STIM1: variants seen among roughly 807,000 people sequenced by gnomAD.
STIM1 encodes stromal interaction molecule 1.
STIM1 carries 25 observed loss-of-function variants against 74.7 expected under a neutral mutation model. The ratio of observed to expected loss-of-function variants is 0.33; its 90% CI spans 0.24 to 0.47. The LOEUF (loss-of-function observed/expected upper bound fraction) is 0.47. Among genes scored for constraint, STIM1 ranks in the 20% least tolerant of loss-of-function variants. The pLI is 1.00. For synonymous variants in STIM1, 328 were observed against 348.8 expected (o/e 0.94, Z 0.66); for missense variants, 728 against 920.8 (o/e 0.79, Z 2.71).
At chr11:4,017,672 C>T (rs1449996898) in intron 2 of STIM1, among the ~76,000 whole-genome samples, 3 of 152,100 alleles carry the variant, frequency 2.0e-5, no homozygotes, top group Admixed American at 1.3e-4. Flanking sequence ...TTAAGAGGTT[C>T]TAGGTTGGAG....
intron 2 of STIM1, among the ~76,000 whole-genome samples, chr11:3,971,314 G>C (rs989994678): frequency 2.6e-5 from 4 of 151,778 alleles, no homozygotes; most frequent in African/African-American, 9.7e-5. Context: ...TGGATCACGA[G>C]GTCAGGAGAT....
At chr11:4,080,467 G>GTT (rs753798798) in intron 7 of STIM1, among the ~76,000 whole-genome samples, 2,413 of 129,752 alleles carry the variant, frequency 0.019, 78 homozygotes, top group African/African-American at 0.051. Context: ...TAACCAAACA[G>GTT]TTTTTTTTTT....
intron 1 of STIM1, among the ~76,000 whole-genome samples, chr11:3,884,252 G>A (rs1165731284): frequency 6.6e-6 from 1 of 152,132 alleles, no homozygotes; most frequent in Non-Finnish European, 1.5e-5. Flanking sequence ...TCTATAAAAT[G>A]GGTACAAGAG....
intron 2 of STIM1, among the ~76,000 whole-genome samples, chr11:4,006,101 G>C (rs767808388): frequency 6.6e-6 from 1 of 152,198 alleles, no homozygotes; most frequent in Non-Finnish European, 1.5e-5. Context: ...GCTGTTAGGA[G>C]TGATTGGATT....
At chr11:4,035,062 A>C (rs182028168) in intron 3 of STIM1, among the ~76,000 whole-genome samples, 45 of 152,100 alleles carry the variant, frequency 3.0e-4, no homozygotes, top group Middle Eastern at 6.8e-3. Flanking sequence ...TCTGGTTTCT[A>C]TTTCATTGAT....
In STIM1 at chr11:4,092,055, C is replaced by T; in HGVS notation, c.*257C>T. On this transcript the variant is annotated 3_prime_UTR_variant, in exon 13 of 13. Transcript: ENST00000526596. ...CTGTCACTCCCTCTCCACTTCAGTG[C>T]ATGTCTTAGTTGCTGTTCCCTCAGC... The T allele has an allele frequency of 1.8e-6, 1 of 557,934 alleles. No homozygotes were observed. The highest frequency in any genetic ancestry group is 3.1e-5 in the East Asian group (1 of 32,032). 34.6% of individuals were successfully genotyped at this position (557,934 alleles called of 1,614,324 possible). A position where few individuals can be genotyped will look rare whatever the true frequency, so the allele number is the denominator to read the frequency against.
intron 1 of STIM1, among the ~76,000 whole-genome samples, chr11:3,952,580 T>C (rs1171397427): frequency 6.6e-6 from 1 of 152,146 alleles, no homozygotes; most frequent in Non-Finnish European, 1.5e-5. Flanking sequence ...CAAAGACCCA[T>C]ATTTGCTACC....
intron 3 of STIM1, chr11:4,049,543 G>A (rs1446731971): frequency 6.6e-6 from 1 of 151,508 alleles, no homozygotes; most frequent in Non-Finnish European, 1.5e-5. Context: ...TGCCCTGACT[G>A]ATCTCAAACC....
At chr11:3,882,542 C>T (rs1448772677) in intron 1 of STIM1, among the ~76,000 whole-genome samples, 2 of 152,054 alleles carry the variant, frequency 1.3e-5, no homozygotes, top group African/African-American at 4.8e-5. Context: ...TTGTGTGCAC[C>T]GTTTACCTAT....
intron 3 of STIM1, among the ~76,000 whole-genome samples, chr11:4,024,889 C>T (rs75967398): frequency 0.021 from 3,123 of 152,188 alleles, 66 homozygotes; most frequent in Non-Finnish European, 0.025. Context: ...GCTTTAGCTT[C>T]CTCTCCATTT....
At chr11:3,895,683 C>CTTCCTTCCTTCCTTCCTTCTTTCT (rs2092083651) in intron 1 of STIM1, among the ~76,000 whole-genome samples, 1 of 37,966 alleles carries the variant, frequency 2.6e-5, no homozygotes. Context: ...TCCTTCCTTC[C>CTTCCTTCCTTCCTTCCTTCTTTCT]TTCTTTCTTT....
At chr11:4,043,256 A>T (rs2133007331) in intron 3 of STIM1, among the ~76,000 whole-genome samples, 1 of 152,298 alleles carries the variant, frequency 6.6e-6, no homozygotes, top group East Asian at 1.9e-4. Context: ...ATTGATTTTT[A>T]CATGAAAATT....
chr11:4,077,685 C>T (rs970902513), intron 7 of STIM1, among the ~76,000 whole-genome samples: 3 of 152,114 alleles, frequency 2.0e-5, no homozygotes, highest in African/African-American at 7.2e-5. Flanking sequence ...CTGTATTCCA[C>T]ATGTCTCTTA....
At chr11:3,932,675 A>G (rs1472815206) in intron 1 of STIM1, among the ~76,000 whole-genome samples, 1 of 149,990 alleles carries the variant, frequency 6.7e-6, no homozygotes, top group Non-Finnish European at 1.5e-5. Context: ...GGAAAAAAAA[A>G]AAAAAAAAAA....
At chr11:3,992,245 C>CAA (rs1035191840) in intron 2 of STIM1, among the ~76,000 whole-genome samples, 1 of 137,576 alleles carries the variant, frequency 7.3e-6, no homozygotes, top group Non-Finnish European at 1.6e-5. Flanking sequence ...TTGGTCTCTA[C>CAA]AAAAAAAAAA....
At chr11:3,876,495 T>A (rs1292881462) in intron 1 of STIM1, among the ~76,000 whole-genome samples, 2 of 152,220 alleles carry the variant, frequency 1.3e-5, no homozygotes, top group African/African-American at 2.4e-5. Context: ...AACCTTGAGC[T>A]CTTGGGCTCA....
intron 5 of STIM1, among the ~76,000 whole-genome samples, chr11:4,063,069 A>G (rs1427042818): frequency 6.6e-6 from 1 of 152,200 alleles, no homozygotes. Flanking sequence ...ACACAAATCC[A>G]TAGAGACAGA....
At position 3,895,733 on chromosome 11, in the gene STIM1, TCTTTTTCTTTCTTCCTTCCTTC is replaced by T. The variant is rs1565105317; in HGVS notation, c.139+39328_139+39349del. 9.8e-3 allele frequency among the ~76,000 whole-genome samples: 396 copies of T among 40,468 alleles called. 60 individuals carry two copies. Among genetic ancestry groups the T allele is most frequent in the East Asian group, 0.032 (48 of 1,508 alleles). The allele number at this position is 40,468 out of a possible 152,430, so 26.5% of individuals were successfully genotyped here. On this transcript the variant is annotated intron_variant, in intron 1 of 12. Transcript: ENST00000526596. Reference sequence around the variant, plus strand: ...TTCTTTCTTTCTTTCTTTCTTTCTTTCTTTTTCTTTCTTCCTTCCTTCCTTCCTTCCTTCCTTCCTTCCTTCC... The same window carrying T: ...TTCTTTCTTTCTTTCTTTCTTTCTTTCTTCCTTCCTTCCTTCCTTCCTTCC...
At chr11:3,930,441 G>A (rs2092845549) in intron 1 of STIM1, among the ~76,000 whole-genome samples, 1 of 152,094 alleles carries the variant, frequency 6.6e-6, no homozygotes, top group African/African-American at 2.4e-5. Context: ...GCTATCTTTG[G>A]GGACACTTGT....
Sources: gnomAD v4.1 joint callset for allele counts (sites outside exome capture counted in the v4.1 genomes callset) on GRCh38, gnomAD v4.1.1 for gene constraint, MANE v1.5 for transcripts, NCBI Gene and HGNC (gene_info 2026-07-23, HGNC 2026-07-21) for gene names.